CLHC1: variants seen among roughly 807,000 people sequenced by gnomAD.
CLHC1 encodes clathrin heavy chain linker domain containing 1, also known as clathrin heavy chain linker domain-containing protein 1.
A neutral mutation model predicts 69.5 loss-of-function variants in CLHC1; 72 were observed. The observed-to-expected ratio is 1.04, with a 90% confidence interval of 0.86 to 1.26. The LOEUF (loss-of-function observed/expected upper bound fraction) is 1.26. Ranked by LOEUF, CLHC1 falls within the 50% of genes most tolerant of loss-of-function variation. The pLI is 0.00. For synonymous variants in CLHC1, 223 were observed against 224.3 expected (o/e 0.99, Z 0.05); for missense variants, 790 against 679.3 (o/e 1.16, Z -1.81).
Position 55,217,799 on chromosome 2 carries a change from T to C in CLHC1, c.365+12A>G. ...AACTACCATCTTTTGGGCTAGTTAC[T>C]AAAATACTTACTTTGCTTCAAGTTG... On this transcript the variant is annotated intron_variant, in intron 4 of 12. Coordinates refer to ENST00000401408, the MANE Select transcript of CLHC1 (RefSeq NM_152385.4). 2.7e-6 allele frequency: 4 copies of C among 1,505,554 alleles called. No individual in the cohort carries two copies. Among genetic ancestry groups the C allele is most frequent in the Non-Finnish European group, 3.6e-6 (4 of 1,125,166 alleles). 93.3% of individuals were successfully genotyped at this position (1,505,554 alleles called of 1,614,324 possible).
chr2:55,194,893 T>C (rs1023575235), intron 9 of CLHC1, among the ~76,000 whole-genome samples: 1 of 152,048 alleles, frequency 6.6e-6, no homozygotes, highest in Non-Finnish European at 1.5e-5. Flanking sequence ...TGAGAACACT[T>C]ACACTCCACT....
intron 8 of CLHC1, among the ~76,000 whole-genome samples, chr2:55,207,254 G>C (rs943883483): frequency 3.3e-5 from 5 of 152,152 alleles, no homozygotes; most frequent in African/African-American, 1.2e-4. Flanking sequence ...GATAACTTAA[G>C]CCTCTACTCC....
chr2:55,175,621 A>G lies in CLHC1; in HGVS notation c.*169T>C. 1.8e-6 allele frequency: 1 copy of G among 561,974 alleles called. No individual in the cohort carries two copies. The highest frequency in any genetic ancestry group is 3.1e-6 in the Non-Finnish European group (1 of 317,684). The allele number at this position is 561,974 out of a possible 1,614,324, so 34.8% of individuals were successfully genotyped here. A position where few individuals can be genotyped will look rare whatever the true frequency, so the allele number is the denominator to read the frequency against. On this transcript the variant is annotated 3_prime_UTR_variant, in exon 13 of 13. Coordinates refer to ENST00000401408, the MANE Select transcript of CLHC1 (RefSeq NM_152385.4). ...CATATGGGGAAAAGGAAGCAATAGTATAAATATTTCAAAGACAAATCTAAA... is the reference window on the plus strand; with the variant it reads ...CATATGGGGAAAAGGAAGCAATAGTGTAAATATTTCAAAGACAAATCTAAA...
At chr2:55,178,049 A>G (rs1054706082) in intron 11 of CLHC1, among the ~76,000 whole-genome samples, 1 of 152,222 alleles carries the variant, frequency 6.6e-6, no homozygotes, top group African/African-American at 2.4e-5. Context: ...AAAATGTGGT[A>G]TAATAAAAAT....
At chr2:55,206,164 G>T in intron 9 of CLHC1, 106 bp downstream of exon 9, 2 of 653,996 alleles carry the variant, frequency 3.1e-6, no homozygotes, top group Non-Finnish European at 2.7e-6. Flanking sequence ...TAGAGATAGG[G>T]CTGGGGCCTA....
At chr2:55,206,447 T>C in intron 8 of CLHC1, 71 bp from the exon 9 acceptor site, 1 of 834,480 alleles carries the variant, frequency 1.2e-6, no homozygotes, top group Non-Finnish European at 2.0e-6. Flanking sequence ...TTAGAAATGT[T>C]TAATACAGAC....
At chr2:55,219,534 G>T (rs185644678) in intron 3 of CLHC1, among the ~76,000 whole-genome samples, 1 of 151,990 alleles carries the variant, frequency 6.6e-6, no homozygotes, top group Non-Finnish European at 1.5e-5. Flanking sequence ...TGGAGCTTTC[G>T]ATTACAATCT....
intron 9 of CLHC1, among the ~76,000 whole-genome samples, chr2:55,198,627 T>G (rs758998574): frequency 5.3e-5 from 8 of 151,890 alleles, no homozygotes; most frequent in Admixed American, 6.6e-5. Flanking sequence ...CAGAGAACTT[T>G]CCAAACCTAG....
intron 11 of CLHC1, among the ~76,000 whole-genome samples, 181 bp from the exon 12 acceptor site, chr2:55,177,962 C>G (rs1184215083): frequency 6.7e-6 from 1 of 150,296 alleles, no homozygotes; most frequent in Non-Finnish European, 1.5e-5. Context: ...CAAAAAAAAT[C>G]ATGCTCAGCA....
In CLHC1 at chr2:55,174,403, G is replaced by C. The variant is rs559143676; in HGVS notation, c.*1387C>G. 1.7e-3 allele frequency among the ~76,000 whole-genome samples: 253 copies of C among 152,230 alleles called. 1 individual carries two copies. Among genetic ancestry groups the C allele is most frequent in the Middle Eastern group, 0.014 (4 of 294 alleles). On this transcript the variant is annotated 3_prime_UTR_variant, in exon 13 of 13. Coordinates refer to ENST00000401408, the MANE Select transcript of CLHC1 (RefSeq NM_152385.4). ...CAATATATCAAATACTTTAAAGAAG[G>C]ATAAACATATAAATACAAATGAGTA...
chr2:55,224,326 G>A, intron 2 of CLHC1: 2 of 464,982 alleles, frequency 4.3e-6, no homozygotes, highest in South Asian at 1.6e-5. Context: ...GTTTGAGTGT[G>A]AACTCCACGC....
chr2:55,222,571 T>C (rs1376384964), intron 2 of CLHC1, 78 bp from the exon 3 acceptor site: 1 of 562,832 alleles, frequency 1.8e-6, no homozygotes, highest in Non-Finnish European at 3.0e-6. Flanking sequence ...ATGTATTTTT[T>C]TTAGAAAAAA....
intron 9 of CLHC1, among the ~76,000 whole-genome samples, chr2:55,193,009 G>T (rs1671076139): frequency 6.6e-6 from 1 of 150,574 alleles, no homozygotes; most frequent in Non-Finnish European, 1.5e-5. Flanking sequence ...TCCTGCCTCA[G>T]CCTCCCGAGT....
intron 8 of CLHC1, among the ~76,000 whole-genome samples, chr2:55,207,459 C>G (rs10439479): frequency 0.95 from 144,947 of 152,288 alleles, 69,060 homozygotes; most frequent in Admixed American, 0.98. Flanking sequence ...GTCAGACTTA[C>G]AGAAGCATTA....
At chr2:55,181,986 A>G (rs1669982016) in intron 9 of CLHC1, among the ~76,000 whole-genome samples, 2 of 152,126 alleles carry the variant, frequency 1.3e-5, no homozygotes, top group South Asian at 4.1e-4. Context: ...GAGGCTAAAA[A>G]TCGCTGACAA....
intron 4 of CLHC1, among the ~76,000 whole-genome samples, chr2:55,213,226 C>T (rs779414401): frequency 1.3e-5 from 2 of 152,160 alleles, no homozygotes; most frequent in African/African-American, 2.4e-5. Flanking sequence ...ATCAGTATCA[C>T]CGGACCAAAA....
intron 1 of CLHC1, 32 bp from the exon 2 acceptor site, chr2:55,228,236 G>A (rs1383761401): frequency 6.6e-6 from 1 of 152,204 alleles, no homozygotes; most frequent in Non-Finnish European, 1.5e-5. Flanking sequence ...GAAACAAAAT[G>A]TTCTCTTTCC....
At chr2:55,199,250 TCATGC>T (rs2103850091) in intron 9 of CLHC1, among the ~76,000 whole-genome samples, 1 of 122,640 alleles carries the variant, frequency 8.2e-6, no homozygotes, top group East Asian at 2.4e-4. Flanking sequence ...TGAGCTGAGA[TCATGC>T]CACTGCACTC....
At chr2:55,176,066 G>C (rs1218273486) in intron 12 of CLHC1, 80 bp from the exon 13 acceptor site, 8 of 1,200,128 alleles carry the variant, frequency 6.7e-6, no homozygotes, top group South Asian at 1.5e-5. Flanking sequence ...AAATAGAAAA[G>C]GACATAATTT....
Sources: gnomAD v4.1 joint callset for allele counts (sites outside exome capture counted in the v4.1 genomes callset) on GRCh38, gnomAD v4.1.1 for gene constraint, MANE v1.5 for transcripts, NCBI Gene and HGNC (gene_info 2026-07-23, HGNC 2026-07-21) for gene names.